CLVS1: variants seen among roughly 807,000 people sequenced by gnomAD.
The protein encoded by CLVS1 is clavesin-1.
A neutral mutation model predicts 33.1 loss-of-function variants in CLVS1; 10 were observed. The observed-to-expected ratio is 0.30, with a 90% CI of 0.19 to 0.51. CLVS1 has a LOEUF of 0.51. Among genes scored for constraint, CLVS1 ranks in the 20% least tolerant of loss-of-function variants. The pLI, the probability that CLVS1 is intolerant of heterozygous loss-of-function variation, is 0.97. For missense variants in CLVS1, 343 were observed against 433.4 expected (o/e 0.79, Z 1.85); for synonymous variants, 163 against 166.1 (o/e 0.98, Z 0.14).
the CLVS1 span, among the ~76,000 whole-genome samples, chr8:61,023,790 A>T: frequency 6.6e-6 from 1 of 152,036 alleles, no homozygotes; most frequent in Non-Finnish European, 1.5e-5. Flanking sequence ...CCCTGAAAAC[A>T]TCAGAGACAG....
chr8:61,024,094 T>G, the CLVS1 span, among the ~76,000 whole-genome samples: 1 of 152,188 alleles, frequency 6.6e-6, no homozygotes, highest in African/African-American at 2.4e-5. Context: ...ACTGGATGTT[T>G]AGGCACAGTA....
chr8:61,338,678 C>T, intron 2 of CLVS1, among the ~76,000 whole-genome samples: 1 of 152,192 alleles, frequency 6.6e-6, no homozygotes, highest in East Asian at 1.9e-4. Context: ...GAGCAGCTGG[C>T]CCGGTGTCTC....
chr8:61,245,792 T>C lies in CLVS1; in HGVS notation c.-151-53885T>C, dbSNP rs1319474423. Among the ~76,000 whole-genome samples the C allele has an allele frequency of 3.9e-5, 6 of 152,184 alleles. No individual in the cohort carries two copies. In the East Asian group the frequency reaches 1.2e-3, roughly 29 times the overall value. ...TTGGTAGCTATACACCATTTTATTA[T>C]TATCTTAGGGATGGCTGGAGGGCAG... On this transcript the variant is annotated intron_variant, in intron 2 of 2. Transcript: ENST00000522621.
intron 5 of CLVS1, among the ~76,000 whole-genome samples, chr8:61,459,112 A>G (rs774151594): frequency 6.6e-6 from 1 of 152,128 alleles, no homozygotes; most frequent in African/African-American, 2.4e-5. Flanking sequence ...TAGCAATCCA[A>G]GCAGAGTGGA....
chr8:61,209,809 A>G (rs1296277202), intron 2 of CLVS1, among the ~76,000 whole-genome samples: 2 of 144,320 alleles, frequency 1.4e-5, no homozygotes, highest in Admixed American at 7.1e-5. Flanking sequence ...AGATGCCACC[A>G]ATATCCTTGT....
At chr8:60,970,901 A>AT in the CLVS1 span, among the ~76,000 whole-genome samples, 2 of 151,726 alleles carry the variant, frequency 1.3e-5, no homozygotes, top group African/African-American at 4.8e-5. Flanking sequence ...TGGTCTTCTA[A>AT]TTTTTTTATC....
At chr8:61,413,377 G>A (rs1249599858) in intron 3 of CLVS1, among the ~76,000 whole-genome samples, 1 of 152,154 alleles carries the variant, frequency 6.6e-6, no homozygotes, top group Non-Finnish European at 1.5e-5. Context: ...CCAGATTCAA[G>A]AGGCCAAAGA....
chr8:61,473,659 A>C (rs571645201), intron 5 of CLVS1, among the ~76,000 whole-genome samples: 1 of 152,288 alleles, frequency 6.6e-6, no homozygotes, highest in South Asian at 2.1e-4. Flanking sequence ...TGGAGTGCTG[A>C]GCGTGGAGGT....
At chr8:61,405,759 G>A (rs1419498922) in intron 3 of CLVS1, among the ~76,000 whole-genome samples, 1 of 146,876 alleles carries the variant, frequency 6.8e-6, no homozygotes, top group Non-Finnish European at 1.5e-5. Context: ...ATGAGATCTA[G>A]CATAGTCAGG....
chr8:61,051,220 GA>G, the CLVS1 span, among the ~76,000 whole-genome samples: 20 of 152,348 alleles, frequency 1.3e-4, no homozygotes, highest in African/African-American at 4.3e-4. Context: ...GCTGTGCAAA[GA>G]GCTCTAAGCT....
chr8:61,175,805 T>A (rs1312732350), intron 2 of CLVS1, among the ~76,000 whole-genome samples: 1 of 152,174 alleles, frequency 6.6e-6, no homozygotes, highest in African/African-American at 2.4e-5. Context: ...CTTCAAATTG[T>A]GAGATGAAAA....
At chr8:61,128,196 A>G (rs1806014843) in intron 1 of CLVS1, among the ~76,000 whole-genome samples, 1 of 152,236 alleles carries the variant, frequency 6.6e-6, no homozygotes. Flanking sequence ...TCCAGTCATG[A>G]TACCAAGACT....
At chr8:61,329,877 T>G (rs1040822782) in intron 2 of CLVS1, among the ~76,000 whole-genome samples, 23 of 152,172 alleles carry the variant, frequency 1.5e-4, no homozygotes, top group African/African-American at 4.8e-4. Flanking sequence ...GACTGCTCTA[T>G]GCACCCAGTA....
intron 2 of CLVS1, among the ~76,000 whole-genome samples, chr8:61,234,204 G>A (rs975363878): frequency 3.3e-5 from 5 of 152,152 alleles, no homozygotes; most frequent in Admixed American, 1.3e-4. Flanking sequence ...TGTGGCCAGG[G>A]GGTAGAGAAT....
At chr8:61,351,991 G>A (rs1812488930) in intron 2 of CLVS1, among the ~76,000 whole-genome samples, 1 of 152,000 alleles carries the variant, frequency 6.6e-6, no homozygotes, top group Non-Finnish European at 1.5e-5. Flanking sequence ...ATATCAGGAA[G>A]AAGGAACAAG....
intron 1 of CLVS1, among the ~76,000 whole-genome samples, chr8:61,123,445 C>T (rs937602911): frequency 2.6e-5 from 4 of 152,078 alleles, no homozygotes; most frequent in Non-Finnish European, 4.4e-5. Context: ...GTTATAAATA[C>T]GTTTGTATGC....
intron 2 of CLVS1, among the ~76,000 whole-genome samples, chr8:61,190,848 C>G (rs1651911913): frequency 6.6e-6 from 1 of 152,132 alleles, no homozygotes; most frequent in Non-Finnish European, 1.5e-5. Flanking sequence ...CCTGCATAGA[C>G]CAGTAACAGG....
At chr8:61,273,909 T>A (rs1386578321) in intron 2 of CLVS1, 1 of 159,234 alleles carries the variant, frequency 6.3e-6, no homozygotes, top group Non-Finnish European at 1.4e-5. Flanking sequence ...TCTAGTGAGA[T>A]GAACCCGGTA....
chr8:61,152,788 A>T (rs113616547), intron 2 of CLVS1, among the ~76,000 whole-genome samples: 1,821 of 152,326 alleles, frequency 0.012, 45 homozygotes, highest in African/African-American at 0.042. Flanking sequence ...GCGCTGCCTC[A>T]AAATACTATC....
Sources: gnomAD v4.1 joint callset for allele counts (sites outside exome capture counted in the v4.1 genomes callset) on GRCh38, gnomAD v4.1.1 for gene constraint, MANE v1.5 for transcripts, NCBI Gene and HGNC (gene_info 2026-07-23, HGNC 2026-07-21) for gene names.